MSRB3: variants seen among roughly 807,000 people sequenced by gnomAD.
MSRB3 encodes methionine-R-sulfoxide reductase B3.
In MSRB3, 13 loss-of-function variants were observed where a neutral mutation model predicts 21.0. The ratio of observed to expected loss-of-function variants is 0.62; its 90% CI spans 0.40 to 0.98. The LOEUF is 0.98. Ranked by LOEUF, MSRB3 falls within the 50% of genes least tolerant of loss-of-function variation. The pLI is 0.00. For missense variants in MSRB3, 199 were observed against 230.3 expected, an observed-to-expected ratio of 0.86 and a Z score of 0.88; for synonymous variants, 87 against 88.6, an observed-to-expected ratio of 0.98 and a Z score of 0.10.
chr12:65,385,253 T>A (rs1175535784), intron 5 of MSRB3, among the ~76,000 whole-genome samples: 1 of 152,148 alleles, frequency 6.6e-6, no homozygotes, highest in Non-Finnish European at 1.5e-5. Context: ...TGGCAAATTA[T>A]ATGAACTGTT....
chr12:65,379,442 T>G (rs564829058), intron 5 of MSRB3, among the ~76,000 whole-genome samples: 1 of 152,300 alleles, frequency 6.6e-6, no homozygotes, highest in African/African-American at 2.4e-5. Context: ...TATACTTAAA[T>G]TAACGTGTAG....
At chr12:65,335,454 C>T (rs1023943282) in intron 4 of MSRB3, among the ~76,000 whole-genome samples, 1 of 152,154 alleles carries the variant, frequency 6.6e-6, no homozygotes, top group African/African-American at 2.4e-5. Flanking sequence ...AAAATTTAAG[C>T]CATTTTTCAG....
chr12:65,348,952 C>A (rs1184493857), intron 4 of MSRB3, among the ~76,000 whole-genome samples: 1 of 152,030 alleles, frequency 6.6e-6, no homozygotes, highest in Non-Finnish European at 1.5e-5. Flanking sequence ...TACATGTGCA[C>A]AATGTGCAGG....
intron 4 of MSRB3, among the ~76,000 whole-genome samples, chr12:65,349,773 A>G (rs1195826251): frequency 6.6e-6 from 1 of 150,916 alleles, no homozygotes; most frequent in Admixed American, 6.6e-5. Context: ...TTTTTCTTGT[A>G]AATTTGTTTG....
At chr12:65,413,749 A>G (rs550682516) in intron 5 of MSRB3, among the ~76,000 whole-genome samples, 4 of 152,304 alleles carry the variant, frequency 2.6e-5, no homozygotes, top group Admixed American at 1.3e-4. Context: ...CTAAATATCT[A>G]CATTTTACAA....
At chr12:65,450,052 A>G (rs979630741) in intron 5 of MSRB3, among the ~76,000 whole-genome samples, 5 of 152,172 alleles carry the variant, frequency 3.3e-5, no homozygotes, top group African/African-American at 1.2e-4. Flanking sequence ...GCTCAAGTAG[A>G]CTTGAAACAG....
At chr12:65,376,650 GAGGGGAACATCACACAC>G (rs1212887584) in intron 5 of MSRB3, among the ~76,000 whole-genome samples, 1 of 151,966 alleles carries the variant, frequency 6.6e-6, no homozygotes, top group Non-Finnish European at 1.5e-5. Flanking sequence ...TGGACACAGG[GAGGGGAACATCACACAC>G]AGGGGCCCGT....
At chr12:65,353,124 T>G (rs893838665) in intron 4 of MSRB3, among the ~76,000 whole-genome samples, 1 of 152,160 alleles carries the variant, frequency 6.6e-6, no homozygotes, top group Non-Finnish European at 1.5e-5. Flanking sequence ...TTACATTTGG[T>G]GAGGAGTGCT....
At chr12:65,431,725 A>G (rs1357470657) in intron 5 of MSRB3, among the ~76,000 whole-genome samples, 1 of 152,042 alleles carries the variant, frequency 6.6e-6, no homozygotes, top group African/African-American at 2.4e-5. Flanking sequence ...AGTTTCAGAA[A>G]TTCTTAGTGA....
chr12:65,426,859 T>C (rs1165157854), intron 5 of MSRB3, among the ~76,000 whole-genome samples: 1 of 152,154 alleles, frequency 6.6e-6, no homozygotes, highest in African/African-American at 2.4e-5. Context: ...TCATTCCTTG[T>C]ATTTTTTGGC....
At chr12:65,366,027 T>C (rs1245439980) in intron 4 of MSRB3, among the ~76,000 whole-genome samples, 2 of 152,140 alleles carry the variant, frequency 1.3e-5, no homozygotes, top group Non-Finnish European at 2.9e-5. Flanking sequence ...CCATTGCTCC[T>C]TCTATACCCA....
At chr12:65,426,614 T>C (rs1380135890) in intron 5 of MSRB3, among the ~76,000 whole-genome samples, 1 of 152,228 alleles carries the variant, frequency 6.6e-6, no homozygotes, top group Non-Finnish European at 1.5e-5. Flanking sequence ...AGATTTCTGC[T>C]ATTATTTCTT....
At chr12:65,401,544 G>A (rs987554952) in intron 5 of MSRB3, among the ~76,000 whole-genome samples, 1 of 152,102 alleles carries the variant, frequency 6.6e-6, no homozygotes, top group Admixed American at 6.6e-5. Context: ...GCACACTGAT[G>A]GGTCTTAACT....
At position 65,363,863 on chromosome 12, in the gene MSRB3, G is replaced by C. The variant is rs112684650; in HGVS notation, c.264-5135G>C. ...TAGCTGGGTGTGATGGCACATGTCT[G>C]TAATCCCAGCTACTTGGGAGGCTGA... On this transcript the variant is annotated intron_variant, in intron 4 of 6. Coordinates refer to ENST00000308259, the MANE Select transcript of MSRB3 (RefSeq NM_001031679.3). 1.6e-3 allele frequency among the ~76,000 whole-genome samples: 243 copies of C among 152,274 alleles called. 1 individual carries two copies. The highest frequency in any genetic ancestry group is 5.6e-3 in the African/African-American group (234 of 41,564).
chr12:65,363,024 A>C (rs1346203454), intron 4 of MSRB3, among the ~76,000 whole-genome samples: 2 of 152,146 alleles, frequency 1.3e-5, no homozygotes, highest in Admixed American at 1.3e-4. Context: ...TTGTTTTACA[A>C]AATTCTTGCT....
chr12:65,407,985 A>G (rs1258502608), intron 5 of MSRB3, among the ~76,000 whole-genome samples: 1 of 151,564 alleles, frequency 6.6e-6, no homozygotes, highest in Non-Finnish European at 1.5e-5. Context: ...AGAGCATGTT[A>G]ACTATAGTTG....
chr12:65,393,323 A>G (rs1879583883), intron 5 of MSRB3, among the ~76,000 whole-genome samples: 1 of 152,100 alleles, frequency 6.6e-6, no homozygotes, highest in South Asian at 2.1e-4. Context: ...CTTTCGTTTT[A>G]TTATAAGGGA....
chr12:65,461,189 C>A (rs1389871690), intron 6 of MSRB3, among the ~76,000 whole-genome samples: 1 of 152,160 alleles, frequency 6.6e-6, no homozygotes, highest in African/African-American at 2.4e-5. Flanking sequence ...ACACTGGTCA[C>A]TGAGAGCACT....
chr12:65,343,785 T>C (rs1876304223), intron 4 of MSRB3, among the ~76,000 whole-genome samples: 1 of 152,118 alleles, frequency 6.6e-6, no homozygotes, highest in South Asian at 2.1e-4. Flanking sequence ...AATGCTTCCC[T>C]GTATTCTGGC....
Sources: allele counts gnomAD v4.1 joint callset (sites outside exome capture counted in the v4.1 genomes callset), GRCh38; gene constraint gnomAD v4.1.1; transcripts MANE v1.5; gene names NCBI Gene and HGNC (gene_info 2026-07-23, HGNC 2026-07-21).